The following SLCO2B1 variants were observed in gnomAD, a reference collection of about 807,000 sequenced individuals.
The protein encoded by SLCO2B1 is solute carrier organic anion transporter family member 2B1, also known as OATP-RP2.
Under a neutral mutation model 67.3 loss-of-function variants are expected in SLCO2B1, and 41 were observed. The observed-to-expected ratio is 0.61, with a 90% confidence interval of 0.47 to 0.79. The LOEUF is 0.79. SLCO2B1 is among the 30% of genes least tolerant of loss of function. The pLI, the probability that SLCO2B1 is intolerant of heterozygous loss-of-function variation, is 0.00. For missense variants in SLCO2B1, 837 were observed against 920.1 expected (o/e 0.91, Z 1.17); for synonymous variants, 379 against 381.4 (o/e 0.99, Z 0.07).
intron 1 of SLCO2B1, chr11:75,159,688 A>G (rs1228794728): frequency 9.7e-6 from 2 of 206,112 alleles, no homozygotes; most frequent in African/African-American, 2.3e-5. Context: ...GACCCCCAAT[A>G]CATGACTCGT....
At chr11:75,156,153 C>G (rs1238062590) in intron 1 of SLCO2B1, among the ~76,000 whole-genome samples, 1 of 152,158 alleles carries the variant, frequency 6.6e-6, no homozygotes, top group Non-Finnish European at 1.5e-5. Flanking sequence ...AATCAGATGT[C>G]TTAGGTCACA....
At chr11:75,173,296 T>C (rs1263492204) in intron 7 of SLCO2B1, among the ~76,000 whole-genome samples, 7 of 152,186 alleles carry the variant, frequency 4.6e-5, no homozygotes, top group Non-Finnish European at 1.0e-4. Context: ...AGCTGGACTT[T>C]GAAGGATTTG....
At chr11:75,163,828 T>C (rs575969709) in intron 2 of SLCO2B1, 135 bp from the exon 3 acceptor site, 11 of 991,628 alleles carry the variant, frequency 1.1e-5, no homozygotes, top group South Asian at 5.0e-5. Context: ...CTTCTGTTGG[T>C]CACTCTCCCG....
intron 7 of SLCO2B1, among the ~76,000 whole-genome samples, chr11:75,180,225 C>T (rs1323694635): frequency 6.6e-6 from 1 of 152,182 alleles, no homozygotes. Flanking sequence ...CCATGTTGGC[C>T]AGGCTGGCCT....
At chr11:75,163,380 C>T (rs1313247250) in intron 2 of SLCO2B1, among the ~76,000 whole-genome samples, 2 of 152,040 alleles carry the variant, frequency 1.3e-5, no homozygotes, top group Non-Finnish European at 2.9e-5. Context: ...GAGGAGACTC[C>T]AGGCAGGTTG....
intron 6 of SLCO2B1, 35 bp from the exon 7 acceptor site, chr11:75,172,344 C>T (rs377313516): frequency 3.2e-6 from 5 of 1,581,992 alleles, no homozygotes; most frequent in Non-Finnish European, 4.3e-6. Flanking sequence ...AGCCTATCAT[C>T]CTGACCCTAA....
chr11:75,153,912 A>T (rs2140299399), intron 1 of SLCO2B1, among the ~76,000 whole-genome samples: 1 of 146,674 alleles, frequency 6.8e-6, no homozygotes, highest in East Asian at 2.0e-4. Context: ...AACCCCAATC[A>T]TGTGTACAGT....
chr11:75,162,893 T>A, intron 2 of SLCO2B1, 108 bp downstream of exon 2: 6 of 1,316,902 alleles, frequency 4.6e-6, no homozygotes, highest in Non-Finnish European at 6.3e-6. Flanking sequence ...GGTTTCCTCA[T>A]CTATAGAATG....
At chr11:75,196,727 G>A (rs370218724) in intron 10 of SLCO2B1, 48 bp downstream of exon 10, 40 of 1,565,640 alleles carry the variant, frequency 2.6e-5, no homozygotes, top group Non-Finnish European at 3.2e-5. Flanking sequence ...GACTCTGCCT[G>A]CCCTGTCTCT....
chr11:75,171,140 G>A (rs900970496), intron 6 of SLCO2B1, among the ~76,000 whole-genome samples: 4 of 152,180 alleles, frequency 2.6e-5, no homozygotes, highest in East Asian at 1.9e-4. Context: ...ACCCATCCCC[G>A]GCTTTACAGG....
chr11:75,173,615 A>C (rs1173694546), intron 7 of SLCO2B1, among the ~76,000 whole-genome samples: 1 of 152,124 alleles, frequency 6.6e-6, no homozygotes, highest in Non-Finnish European at 1.5e-5. Context: ...ACAGAGGCCC[A>C]GCCCAGTGGA....
At chr11:75,188,090 G>A in intron 7 of SLCO2B1, 46 bp from the exon 8 acceptor site, 1 of 1,395,670 alleles carries the variant, frequency 7.2e-7, no homozygotes, top group Non-Finnish European at 1.0e-6. Flanking sequence ...TCTGAGTGGG[G>A]TTGCTGGCAT....
At chr11:75,161,984 G>T (rs904684593) in intron 1 of SLCO2B1, among the ~76,000 whole-genome samples, 1 of 152,110 alleles carries the variant, frequency 6.6e-6, no homozygotes. Flanking sequence ...TCACCCCATG[G>T]GCCTCTGTCC....
At chr11:75,177,168 A>AC (rs1180941948) in intron 7 of SLCO2B1, among the ~76,000 whole-genome samples, 5 of 150,074 alleles carry the variant, frequency 3.3e-5, no homozygotes, top group Non-Finnish European at 7.4e-5. Flanking sequence ...AGGGCCTTCC[A>AC]CCCCTCTACA....
chr11:75,189,980 G>C (rs886669582), intron 8 of SLCO2B1, among the ~76,000 whole-genome samples: 4 of 141,510 alleles, frequency 2.8e-5, no homozygotes, highest in Admixed American at 6.9e-5. Context: ...AAAAAAAAAA[G>C]ACTTGATGTT....
In SLCO2B1 at chr11:75,172,558, C is replaced by A; in HGVS notation, c.961C>A (p.Pro321Thr). 6.2e-7 allele frequency: 1 copy of A among 1,613,666 alleles called. No individual in the cohort carries two copies. The highest frequency in any genetic ancestry group is 8.5e-7 in the Non-Finnish European group (1 of 1,179,686). ...RRKVLAVTDS[P>T]ARKGKDSPSK... ...AAAGGTCTTAGCAGTCACAGACTCA[C>A]CTGCCAGGAAGGTAAGCTCCCTCCA... Residue 321 changes from proline to threonine, a missense_variant, in exon 7 of 14, where the codon CCT becomes ACT. Coordinates refer to ENST00000289575, the MANE Select transcript of SLCO2B1 (RefSeq NM_007256.5).
chr11:75,169,115 G>A, intron 4 of SLCO2B1, 58 bp from the exon 5 acceptor site: 2 of 1,386,262 alleles, frequency 1.4e-6, no homozygotes, highest in Non-Finnish European at 2.0e-6. Flanking sequence ...TTCCCCCGGG[G>A]TAAGCGCTAT....
At position 75,193,255 on chromosome 11, in the gene SLCO2B1, C is replaced by T; in HGVS notation, c.1113C>T (p.Pro371=). The change falls in exon 9 of 14, where the codon CCC becomes CCT. Residue 371 remains proline (P), a synonymous_variant. Transcript: ENST00000289575. The surrounding 1 kb of genome is among the most constrained non-coding windows in gnomAD (Gnocchi z 4.2). ...PRVLLQTLRH[P]IFLLVVLSQV... ...TGCTGCTGCAGACCCTACGCCACCC[C>T]ATCTTCCTGCTGGTGGTCCTGTCCC... The T allele has an allele frequency of 6.2e-7, 1 of 1,613,558 alleles. No individual in the cohort carries two copies. The highest frequency in any genetic ancestry group is 1.3e-5 in the African/African-American group (1 of 75,038).
chr11:75,199,384 A>G (rs1179873254), intron 10 of SLCO2B1, among the ~76,000 whole-genome samples: 2 of 152,066 alleles, frequency 1.3e-5, no homozygotes, highest in African/African-American at 2.4e-5. Context: ...TCCACCCCCA[A>G]GCCCACTCTA....
Sources: allele counts gnomAD v4.1 joint callset (sites outside exome capture counted in the v4.1 genomes callset), GRCh38; gene constraint gnomAD v4.1.1; non-coding constraint Gnocchi (gnomAD v3.1); transcripts MANE v1.5; gene names NCBI Gene and HGNC (gene_info 2026-07-23, HGNC 2026-07-21).